The following DPP6 variants were observed in gnomAD, a reference collection of about 807,000 sequenced individuals.
The protein encoded by DPP6 is A-type potassium channel modulatory protein DPP6.
Under a neutral mutation model 122.6 loss-of-function variants are expected in DPP6, and 69 were observed. The observed-to-expected ratio is 0.56, with a 90% confidence interval of 0.46 to 0.69. The LOEUF (loss-of-function observed/expected upper bound fraction) is 0.69. DPP6 is among the 30% of genes least tolerant of loss of function. The pLI, the probability that DPP6 is intolerant of heterozygous loss-of-function variation, is 0.00. For missense variants in DPP6, 928 were observed against 1,116.9 expected, an observed-to-expected ratio of 0.83 and a Z score of 2.41; for synonymous variants, 418 against 433.1, an observed-to-expected ratio of 0.97 and a Z score of 0.43.
intron 7 of DPP6, among the ~76,000 whole-genome samples, chr7:154,669,996 A>C (rs1333836922): frequency 1.3e-5 from 2 of 152,142 alleles, no homozygotes; most frequent in Non-Finnish European, 2.9e-5. Context: ...AGTAGCTGGG[A>C]TCACAGGCGT....
chr7:154,450,012 A>G (rs1352063771), intron 2 of DPP6, among the ~76,000 whole-genome samples: 32 of 33,268 alleles, frequency 9.6e-4, no homozygotes, highest in Non-Finnish European at 2.9e-4. Context: ...CCATCTCTAA[A>G]TAAATAAATA....
intron 1 of DPP6, among the ~76,000 whole-genome samples, chr7:154,239,097 G>A (rs573906496): frequency 4.0e-4 from 61 of 152,334 alleles, no homozygotes; most frequent in African/African-American, 1.4e-3. Flanking sequence ...AGCTCCACAA[G>A]AATGTTTTAC....
chr7:154,801,874 C>T (rs1798390115), intron 13 of DPP6, among the ~76,000 whole-genome samples: 1 of 152,132 alleles, frequency 6.6e-6, no homozygotes, highest in Non-Finnish European at 1.5e-5. Context: ...GCTGCCCTAC[C>T]TCCACCCGGA....
upstream of DPP6, among the ~76,000 whole-genome samples, chr7:153,886,928 G>A (rs928025412): frequency 1.3e-5 from 2 of 152,058 alleles, no homozygotes; most frequent in Non-Finnish European, 2.9e-5. Context: ...GGCAATCACC[G>A]TAGTGCTTGT....
chr7:154,479,570 A>AAAGAAAAG (rs1554563522), intron 3 of DPP6, among the ~76,000 whole-genome samples: 1 of 101,620 alleles, frequency 9.8e-6, no homozygotes, highest in African/African-American at 3.2e-5. Flanking sequence ...AAAAAAAAAA[A>AAAGAAAAG]AAAAGAAAAG....
intron 1 of DPP6, among the ~76,000 whole-genome samples, chr7:154,045,454 C>T (rs1799972943): frequency 6.6e-6 from 1 of 152,242 alleles, no homozygotes; most frequent in Non-Finnish European, 1.5e-5. Flanking sequence ...TTGTTAAATG[C>T]AGCTTGCCCG....
chr7:154,566,986 C>G, intron 5 of DPP6, 70 bp downstream of exon 5: 8 of 1,107,352 alleles, frequency 7.2e-6, no homozygotes, highest in Non-Finnish European at 1.1e-5. Context: ...AGTATATTTC[C>G]TTGACTCTTC....
At chr7:154,621,840 A>G (rs956845880) in intron 5 of DPP6, among the ~76,000 whole-genome samples, 5 of 152,044 alleles carry the variant, frequency 3.3e-5, no homozygotes, top group Non-Finnish European at 7.4e-5. Context: ...CTGCTGGCAA[A>G]CAGTGCCACC....
At chr7:154,358,936 C>A (rs1811497856) in intron 1 of DPP6, among the ~76,000 whole-genome samples, 1 of 152,170 alleles carries the variant, frequency 6.6e-6, no homozygotes, top group Non-Finnish European at 1.5e-5. Context: ...GAACTCCTGA[C>A]CTCAGGTGAT....
chr7:154,055,670 C>T (rs960213473), intron 1 of DPP6: 1 of 152,212 alleles, frequency 6.6e-6, no homozygotes, highest in African/African-American at 2.4e-5. Flanking sequence ...CATCTGCAAG[C>T]AGCTGGGAGC....
At position 154,319,999 on chromosome 7, in the gene DPP6, C is replaced by T. The variant is rs1408017327; in HGVS notation, c.244-126215C>T. 9.2e-5 allele frequency among the ~76,000 whole-genome samples: 4 copies of T among 43,372 alleles called. No individual in the cohort carries two copies. In the East Asian group the frequency reaches 3.2e-3, roughly 35 times the overall value. 28.5% of individuals were successfully genotyped at this position (43,372 alleles called of 152,430 possible). On this transcript the variant is annotated intron_variant, in intron 1 of 25. Transcript: ENST00000377770. ...GAGCAAGACTCTGTCTCAAATATTT[C>T]AAATATATATATATATATATATATA...
chr7:154,306,622 G>A (rs1297791945), intron 1 of DPP6, among the ~76,000 whole-genome samples: 1 of 152,294 alleles, frequency 6.6e-6, no homozygotes, highest in East Asian at 1.9e-4. Context: ...AGACTTACAC[G>A]AAGATGAGTT....
In DPP6 at chr7:154,568,896, G is replaced by T. The variant is rs1000576575; in HGVS notation, c.627+1980G>T. On this transcript the variant is annotated intron_variant, in intron 5 of 25. Transcript: ENST00000377770. ...AGATATTTTAAGTTGAATAAAATAA[G>T]TAATCCTTAATAGTTTTCAGCACTG... Among the ~76,000 whole-genome samples the T allele has an allele frequency of 5.3e-5, 8 of 152,272 alleles. 1 individual carries two copies. The South Asian group carries it at 1.7e-3, about 32-fold the overall frequency.
intron 1 of DPP6, chr7:154,305,335 T>TTGGGGCC: frequency 2.9e-6 from 3 of 1,024,736 alleles, no homozygotes; most frequent in Non-Finnish European, 3.6e-6. Flanking sequence ...TCGTCTTGTC[T>TTGGGGCC]ACCCACCCTC....
Position 154,668,602 on chromosome 7 carries a change from A to C in DPP6, c.681-758A>C, listed in dbSNP as rs573555486. Among the ~76,000 whole-genome samples, 24 of 152,200 alleles carry C rather than the reference A, an allele frequency of 1.6e-4. No homozygotes were observed. The South Asian group carries it at 5.0e-3, about 32-fold the overall frequency. On this transcript the variant is annotated intron_variant, in intron 6 of 25. Transcript: ENST00000377770. Reference sequence around the variant, plus strand: ...CAGCAGAACACAGATATCATTCTTCACGTGGAGGGGTGTCATCCAAAAGAA... The same window carrying C: ...CAGCAGAACACAGATATCATTCTTCCCGTGGAGGGGTGTCATCCAAAAGAA...
chr7:153,986,079 C>T (rs1372545248), intron 1 of DPP6, among the ~76,000 whole-genome samples: 1 of 152,158 alleles, frequency 6.6e-6, no homozygotes, highest in Non-Finnish European at 1.5e-5. Context: ...TGGCTGTAGA[C>T]AGAAAAATGT....
chr7:154,550,059 G>A (rs1269917338), intron 4 of DPP6, among the ~76,000 whole-genome samples: 2 of 151,822 alleles, frequency 1.3e-5, no homozygotes, highest in African/African-American at 2.4e-5. Flanking sequence ...TATTTAAATT[G>A]AACATAACTT....
chr7:154,495,572 T>G (rs1824663991), intron 3 of DPP6, among the ~76,000 whole-genome samples: 1 of 152,100 alleles, frequency 6.6e-6, no homozygotes, highest in Non-Finnish European at 1.5e-5. Flanking sequence ...GTATTTTTAG[T>G]AGACACTGGA....
chr7:154,295,308 A>G (rs1431503140), intron 1 of DPP6, among the ~76,000 whole-genome samples: 2 of 152,144 alleles, frequency 1.3e-5, no homozygotes, highest in Non-Finnish European at 2.9e-5. Flanking sequence ...TGTTCATACA[A>G]ATCACTCAGA....
Sources: gnomAD v4.1 joint callset for allele counts (sites outside exome capture counted in the v4.1 genomes callset) on GRCh38, gnomAD v4.1.1 for gene constraint, MANE v1.5 for transcripts, NCBI Gene and HGNC (gene_info 2026-07-23, HGNC 2026-07-21) for gene names.